MTOR: variants seen among roughly 807,000 people sequenced by gnomAD.
MTOR encodes mechanistic target of rapamycin kinase.
A neutral mutation model predicts 319.8 loss-of-function variants in MTOR; 70 were observed. That is an observed-to-expected ratio of 0.22 (90% CI 0.18 to 0.27). MTOR has a LOEUF of 0.27. Among genes scored for constraint, MTOR ranks in the 10% least tolerant of loss-of-function variants. The pLI is 1.00. For synonymous variants in MTOR, 1,183 were observed against 1,211.4 expected (o/e 0.98, Z 0.49); for missense variants, 1,890 against 3,274.4 (o/e 0.58, Z 10.32).
In MTOR at chr1:11,172,841, G is replaced by A. The variant is rs904902645; in HGVS notation, c.4254-5324C>T. ...CGCACCACTGCACTCCAGCCTGAGCGAAAAAAGCAAGACTCTGTCTCAAAA... is the reference window on the plus strand; with the variant it reads ...CGCACCACTGCACTCCAGCCTGAGCAAAAAAAGCAAGACTCTGTCTCAAAA... On this transcript the variant is annotated intron_variant, in intron 28 of 57. Coordinates refer to ENST00000361445, the MANE Select transcript of MTOR (RefSeq NM_004958.4). Among the ~76,000 whole-genome samples the A allele has an allele frequency of 1.3e-4, 15 of 112,052 alleles. 1 individual carries two copies. Among genetic ancestry groups the A allele is most frequent in the East Asian group, 5.3e-4 (2 of 3,808 alleles). 73.5% of individuals were successfully genotyped at this position (112,052 alleles called of 152,430 possible).
chr1:11,259,276 T>C lies in MTOR; in HGVS notation c.134A>G (p.Gln45Arg). ...ETRAKAAKEL[Q>R]HYVTMELREM... ...TCGGAGTTCCATGGTGACATAGTGC[T>C]GGAGCTCCTTGGCGGCTTTGGCCCT... is the stretch of plus-strand genomic sequence containing the variant. The change falls in exon 2 of 58, where the codon CAG becomes CGG. Residue 45 changes from glutamine (Q) to arginine (R), a missense_variant. Transcript: ENST00000361445. 1 of 1,614,074 alleles carries C rather than the reference T, an allele frequency of 6.2e-7. No homozygotes were observed. The highest frequency in any genetic ancestry group is 8.5e-7 in the Non-Finnish European group (1 of 1,179,980).
chr1:11,191,507 C>T (rs982614619), intron 28 of MTOR, among the ~76,000 whole-genome samples: 1 of 152,126 alleles, frequency 6.6e-6, no homozygotes, highest in Non-Finnish European at 1.5e-5. Context: ...CAGGAAGCTT[C>T]TCTTGGATAG....
intron 54 of MTOR, among the ~76,000 whole-genome samples, chr1:11,110,344 A>G (rs1002809093): frequency 6.6e-6 from 1 of 152,186 alleles, no homozygotes; most frequent in Admixed American, 6.5e-5. Context: ...AGAATTATGA[A>G]GTTTTTTGAA....
intron 28 of MTOR, chr1:11,189,519 T>C: frequency 1.3e-6 from 2 of 1,523,520 alleles, no homozygotes; most frequent in African/African-American, 1.4e-5. Flanking sequence ...TTTGCAGACC[T>C]CAGCTGGGCA....
At chr1:11,258,017 C>G (rs369459223) in intron 3 of MTOR, among the ~76,000 whole-genome samples, 1 of 150,466 alleles carries the variant, frequency 6.6e-6, no homozygotes, top group East Asian at 2.0e-4. Flanking sequence ...GGCTGAGGCA[C>G]GAGAATCGCT....
intron 47 of MTOR, among the ~76,000 whole-genome samples, chr1:11,124,264 C>T (rs1642700617): frequency 6.6e-6 from 1 of 152,100 alleles, no homozygotes; most frequent in African/African-American, 2.4e-5. Flanking sequence ...GCTCTATTAC[C>T]CAGGCTGGAG....
intron 6 of MTOR, among the ~76,000 whole-genome samples, chr1:11,249,993 G>A (rs1271131147): frequency 2.0e-5 from 3 of 150,586 alleles, no homozygotes; most frequent in East Asian, 4.0e-4. Context: ...CAGCAGGGGC[G>A]GCCGGGCAGA....
chr1:11,129,953 C>T lies in MTOR; in HGVS notation c.5614-115G>A, dbSNP rs918970991. Reference sequence around the variant, plus strand: ...CAAAGGGTGGTTATAACAATTAAATCGGTTAATGCATGAAAAATCTTTAAT... The same window carrying T: ...CAAAGGGTGGTTATAACAATTAAATTGGTTAATGCATGAAAAATCTTTAAT... On this transcript the variant is annotated intron_variant, in intron 39 of 57. Transcript: ENST00000361445. This position sits in a 1 kb window ranked among gnomAD's most constrained non-coding sequence, Gnocchi z 4.7. 2.6e-5 allele frequency: 21 copies of T among 816,668 alleles called. No individual in the cohort carries two copies. The highest frequency in any genetic ancestry group is 2.1e-4 in the African/African-American group (12 of 58,492). The allele number at this position is 816,668 out of a possible 1,614,324, so 50.6% of individuals were successfully genotyped here.
chr1:11,160,176 C>T (rs1644433932), intron 29 of MTOR, among the ~76,000 whole-genome samples: 2 of 152,014 alleles, frequency 1.3e-5, no homozygotes. Context: ...TCTCAGCTCA[C>T]TGCAACCTCT....
At position 11,210,772 on chromosome 1, in the gene MTOR, A is replaced by AC. The variant is rs1217975106; in HGVS notation, c.3654+41_3654+42insG. On this transcript the variant is annotated intron_variant, in intron 24 of 57. Coordinates refer to ENST00000361445, the MANE Select transcript of MTOR (RefSeq NM_004958.4). The stretch of plus-strand genomic sequence containing the variant: ...AAGATTACAAGAATATCAAGTAGTA[A>AC]AGACAACAGGGACTTCAGAACAGAA... The AC allele has an allele frequency of 2.1e-6, 3 of 1,419,166 alleles. No individual in the cohort carries two copies. In the African/African-American group the frequency reaches 4.3e-5, roughly 20 times the overall value. The allele number at this position is 1,419,166 out of a possible 1,614,324, so 87.9% of individuals were successfully genotyped here.
At chr1:11,235,877 G>GA (rs1647200072) in intron 13 of MTOR, among the ~76,000 whole-genome samples, 1 of 151,994 alleles carries the variant, frequency 6.6e-6, no homozygotes, top group South Asian at 2.1e-4. Flanking sequence ...AGCTACTCAG[G>GA]AGGCCAAGGC....
Position 11,181,257 on chromosome 1 carries a change from C to A in MTOR, c.4254-13740G>T, listed in dbSNP as rs553768049. ...GATACTCTGTGGTCCTCTTGCTGAT[C>A]ATCTTCCTAAGTAAAAAAAAAAGTG... On this transcript the variant is annotated intron_variant, in intron 28 of 57. Coordinates refer to ENST00000361445, the MANE Select transcript of MTOR (RefSeq NM_004958.4). Among the ~76,000 whole-genome samples, 11 of 151,304 alleles carry A rather than the reference C, an allele frequency of 7.3e-5. No homozygotes were observed. The South Asian group carries it at 1.1e-3, about 15-fold the overall frequency.
chr1:11,238,333 A>G, intron 12 of MTOR, 69 bp downstream of exon 12: 1 of 1,503,904 alleles, frequency 6.6e-7, no homozygotes, highest in South Asian at 1.1e-5. Flanking sequence ...CCATGTAATG[A>G]AACTGGCTAC....
chr1:11,118,827 C>T (rs12118083), intron 49 of MTOR, among the ~76,000 whole-genome samples: 9 of 151,718 alleles, frequency 5.9e-5, no homozygotes, highest in East Asian at 3.9e-4. Context: ...GGTTTTGCGA[C>T]GCTGCCCAGG....
intron 30 of MTOR, among the ~76,000 whole-genome samples, chr1:11,154,068 C>CAAAAAA (rs70977548): frequency 0.011 from 139 of 13,066 alleles, 47 homozygotes; most frequent in Admixed American, 0.012. Context: ...GACTCTGTCT[C>CAAAAAA]AAAAAAAAAA....
At chr1:11,150,028 C>A (rs1644083809) in intron 31 of MTOR, 98 bp downstream of exon 31, 1 of 1,023,634 alleles carries the variant, frequency 9.8e-7, no homozygotes. Flanking sequence ...TTCCATAGAC[C>A]TGGATCTCCA....
chr1:11,106,671 A>C lies in MTOR; in HGVS notation c.*814T>G. ...GCTCATAATTTCCAATATGTACCAG[A>C]CCTTCCCTGTGTTCAGCACCTCCAT... On this transcript the variant is annotated 3_prime_UTR_variant, in exon 58 of 58. Transcript: ENST00000361445. The C allele has an allele frequency of 8.7e-7, 1 of 1,144,742 alleles. No individual in the cohort carries two copies. The highest frequency in any genetic ancestry group is 1.1e-6 in the Non-Finnish European group (1 of 924,386). The allele number at this position is 1,144,742 out of a possible 1,614,324, so 70.9% of individuals were successfully genotyped here.
chr1:11,241,379 T>C (rs879351109), intron 10 of MTOR, among the ~76,000 whole-genome samples, 174 bp downstream of exon 10: 75 of 147,048 alleles, frequency 5.1e-4, no homozygotes, highest in Non-Finnish European at 9.3e-4. Context: ...GTCAAGATCA[T>C]ATAGAAAGCT....
At chr1:11,251,908 C>T (rs1649746080) in intron 6 of MTOR, among the ~76,000 whole-genome samples, 3 of 152,114 alleles carry the variant, frequency 2.0e-5, no homozygotes, top group Non-Finnish European at 1.5e-5. Context: ...AAACAAAGAT[C>T]TCAGAGGTGC....
Sources: allele counts gnomAD v4.1 joint callset (sites outside exome capture counted in the v4.1 genomes callset), GRCh38; gene constraint gnomAD v4.1.1; non-coding constraint Gnocchi (gnomAD v3.1); transcripts MANE v1.5; gene names NCBI Gene and HGNC (gene_info 2026-07-23, HGNC 2026-07-21).